PTPRD: variants seen among roughly 807,000 people sequenced by gnomAD.
PTPRD encodes protein tyrosine phosphatase receptor type D.
PTPRD carries 34 observed loss-of-function variants against 214.5 expected under a neutral mutation model. The ratio of observed to expected loss-of-function variants is 0.16; its 90% CI spans 0.12 to 0.21. The LOEUF is 0.21. PTPRD is among the 10% of genes least tolerant of loss of function. The pLI is 1.00. For synonymous variants in PTPRD, 1,128 were observed against 845.7 expected (o/e 1.33, Z -5.79); for missense variants, 2,545 against 2,398.7 (o/e 1.06, Z -1.27).
At chr9:8,713,229 C>G in intron 12 of PTPRD, 1 of 612,194 alleles carries the variant, frequency 1.6e-6, no homozygotes, top group Non-Finnish European at 2.9e-6. Context: ...CCAGTTCGCT[C>G]CTAAACTGAG....
At chr9:10,444,974 T>C (rs1417942561) in intron 2 of PTPRD, among the ~76,000 whole-genome samples, 3 of 152,032 alleles carry the variant, frequency 2.0e-5, no homozygotes, top group East Asian at 3.9e-4. Context: ...AATACAAATG[T>C]TGTTAAGAGA....
At chr9:8,365,483 G>A (rs925077840) in intron 39 of PTPRD, among the ~76,000 whole-genome samples, 2 of 151,976 alleles carry the variant, frequency 1.3e-5, no homozygotes, top group Non-Finnish European at 2.9e-5. Flanking sequence ...TGTATTTTGG[G>A]GTCAGCTTAG....
chr9:9,752,003 C>G (rs938460554), intron 6 of PTPRD, among the ~76,000 whole-genome samples: 1 of 151,988 alleles, frequency 6.6e-6, no homozygotes, highest in Admixed American at 6.6e-5. Context: ...CAACTATATT[C>G]GATTTATTCT....
At chr9:9,265,802 T>A (rs1393941055) in intron 9 of PTPRD, among the ~76,000 whole-genome samples, 1 of 148,462 alleles carries the variant, frequency 6.7e-6, no homozygotes, top group African/African-American at 2.5e-5. Flanking sequence ...TAAAAAAAAA[T>A]AAAGAAAGGA....
chr9:9,989,016 C>CAAAAAAAAAAAA lies in PTPRD; in HGVS notation c.-472+44690_-472+44701dup, dbSNP rs397836899. 2.8e-3 allele frequency among the ~76,000 whole-genome samples: 103 copies of CAAAAAAAAAAAA among 36,280 alleles called. 12 individuals are homozygous for CAAAAAAAAAAAA. The highest frequency in any genetic ancestry group is 7.1e-3 in the African/African-American group (93 of 13,050). 23.8% of individuals were successfully genotyped at this position (36,280 alleles called of 152,430 possible). A position where few individuals can be genotyped will look rare whatever the true frequency, so the allele number is the denominator to read the frequency against. On this transcript the variant is annotated intron_variant, in intron 4 of 45. Coordinates refer to ENST00000381196, the MANE Select transcript of PTPRD (RefSeq NM_002839.4). The stretch of plus-strand genomic sequence containing the variant: ...CAGAAGAGCCCTTAGTTTCACTGAC[C>CAAAAAAAAAAAA]AAAAAAAAAAAAAAAAAAAAAAAAA...
chr9:9,505,788 A>G lies in PTPRD; in HGVS notation c.-237+68944T>C, dbSNP rs989521632. ...TTTATAACAGTGATAAACCTTTTAA[A>G]TTTATTTATGATCCCAAGGAACAAT... On this transcript the variant is annotated intron_variant, in intron 8 of 45. Coordinates refer to ENST00000381196, the MANE Select transcript of PTPRD (RefSeq NM_002839.4). Among the ~76,000 whole-genome samples the G allele has an allele frequency of 4.0e-5, 6 of 151,594 alleles. No homozygotes were observed. The South Asian group carries it at 1.0e-3, about 26-fold the overall frequency.
rs143753863 is a variant in PTPRD, at chr9:8,890,745, C to T, written c.-104+127952G>A. ...CACTGTAGGCAAGCAGATAATCTAT[C>T]TGCTATTTATACAGTACATCTATTT... On this transcript the variant is annotated intron_variant, in intron 11 of 45. Coordinates refer to ENST00000381196, the MANE Select transcript of PTPRD (RefSeq NM_002839.4). Among the ~76,000 whole-genome samples the T allele has an allele frequency of 5.9e-5, 9 of 152,282 alleles. No individual in the cohort carries two copies. The East Asian group carries it at 1.7e-3, about 29-fold the overall frequency.
At chr9:8,559,044 A>G (rs2085110701) in intron 14 of PTPRD, among the ~76,000 whole-genome samples, 1 of 152,168 alleles carries the variant, frequency 6.6e-6, no homozygotes, top group Admixed American at 6.5e-5. Flanking sequence ...AGCTAACTGA[A>G]GTTTTACTTG....
intron 2 of PTPRD, among the ~76,000 whole-genome samples, chr9:10,455,241 T>C (rs957092598): frequency 2.0e-4 from 31 of 151,724 alleles, no homozygotes; most frequent in Admixed American, 2.0e-3. Context: ...TTTTCTTTCA[T>C]TACTTTACGT....
chr9:9,697,327 G>C (rs1271455277), intron 7 of PTPRD, among the ~76,000 whole-genome samples: 1 of 151,962 alleles, frequency 6.6e-6, no homozygotes, highest in African/African-American at 2.4e-5. Flanking sequence ...TTTTCTTTCA[G>C]ATTGAAAAAC....
intron 14 of PTPRD, among the ~76,000 whole-genome samples, chr9:8,548,554 G>C (rs1433127426): frequency 6.6e-6 from 1 of 151,818 alleles, no homozygotes; most frequent in African/African-American, 2.4e-5. Context: ...TTTTAGTAGA[G>C]ATGGGGTTTC....
chr9:10,140,320 T>A (rs2098974929), intron 3 of PTPRD, among the ~76,000 whole-genome samples: 2 of 141,068 alleles, frequency 1.4e-5, no homozygotes, highest in East Asian at 2.2e-4. Context: ...CAGAAAACAA[T>A]CATTAATAAA....
chr9:9,588,805 G>C (rs1029126502), intron 7 of PTPRD, among the ~76,000 whole-genome samples: 2 of 151,902 alleles, frequency 1.3e-5, no homozygotes, highest in African/African-American at 4.8e-5. Flanking sequence ...CATTTTAGCT[G>C]AGTATAATGA....
At chr9:10,183,167 T>G (rs2099310501) in intron 3 of PTPRD, among the ~76,000 whole-genome samples, 1 of 152,154 alleles carries the variant, frequency 6.6e-6, no homozygotes, top group Non-Finnish European at 1.5e-5. Context: ...TTAAAGGAAG[T>G]GTTTGCCATT....
intron 5 of PTPRD, among the ~76,000 whole-genome samples, chr9:9,787,991 C>A (rs951970088): frequency 6.6e-6 from 1 of 151,400 alleles, no homozygotes; most frequent in South Asian, 2.1e-4. Flanking sequence ...CCATTTTGAC[C>A]AGGCTGGCCT....
At chr9:8,622,930 G>C (rs1199759352) in intron 14 of PTPRD, among the ~76,000 whole-genome samples, 1 of 151,602 alleles carries the variant, frequency 6.6e-6, no homozygotes, top group African/African-American at 2.4e-5. Flanking sequence ...CTTAAGCCAA[G>C]AGTTCAAGAC....
intron 34 of PTPRD, among the ~76,000 whole-genome samples, chr9:8,449,104 T>G (rs2095844076): frequency 6.6e-6 from 1 of 152,338 alleles, no homozygotes. Flanking sequence ...GTTCCTCTGT[T>G]GAAGCACTTA....
intron 11 of PTPRD, among the ~76,000 whole-genome samples, chr9:9,003,219 C>T (rs973478590): frequency 1.3e-5 from 2 of 152,014 alleles, no homozygotes; most frequent in African/African-American, 4.8e-5. Flanking sequence ...AACTGCCTCA[C>T]CCTAGTAAGA....
chr9:9,402,990 C>CAAAAAAA (rs1569568021), intron 8 of PTPRD, among the ~76,000 whole-genome samples: 1 of 92,930 alleles, frequency 1.1e-5, no homozygotes, highest in African/African-American at 4.2e-5. Context: ...AAAAAAAAAA[C>CAAAAAAA]ACCAAAAAAA....
Sources: gnomAD v4.1 joint callset for allele counts (sites outside exome capture counted in the v4.1 genomes callset) on GRCh38, gnomAD v4.1.1 for gene constraint, MANE v1.5 for transcripts, NCBI Gene and HGNC (gene_info 2026-07-23, HGNC 2026-07-21) for gene names.